Variants in ELMO1 observed in about 807,000 individuals in gnomAD.
The protein encoded by ELMO1 is engulfment and cell motility 1.
In ELMO1, 26 loss-of-function variants were observed where a neutral mutation model predicts 98.9. The observed-to-expected ratio is 0.26, with a 90% CI of 0.19 to 0.36. The LOEUF (loss-of-function observed/expected upper bound fraction) is 0.36, where lower values mean the gene tolerates loss of function less well. ELMO1 is among the 10% of genes least tolerant of loss of function. ELMO1 has a pLI of 1.00. For missense variants in ELMO1, 627 were observed against 935.2 expected (o/e 0.67, Z 4.30); for synonymous variants, 346 against 346.0 (o/e 1.00, Z 0.00).
intron 1 of ELMO1, among the ~76,000 whole-genome samples, chr7:37,361,731 G>A (rs745930226): frequency 5.3e-5 from 8 of 152,374 alleles, no homozygotes; most frequent in East Asian, 1.9e-4. Context: ...GGCCAAGGCC[G>A]GCGGATGGCT....
At chr7:37,097,627 A>T (rs1299753433) in intron 14 of ELMO1, among the ~76,000 whole-genome samples, 1 of 152,054 alleles carries the variant, frequency 6.6e-6, no homozygotes, top group Admixed American at 6.6e-5. Flanking sequence ...AGAAAGAAAG[A>T]AAGAAAGAAA....
At chr7:37,290,245 T>TA (rs984327474) in intron 4 of ELMO1, among the ~76,000 whole-genome samples, 195 of 152,096 alleles carry the variant, frequency 1.3e-3, no homozygotes, top group Middle Eastern at 6.8e-3. Context: ...TTTTTAGTAT[T>TA]AAAAAAAATC....
intron 13 of ELMO1, among the ~76,000 whole-genome samples, chr7:37,187,341 TG>T (rs899926222): frequency 2.6e-5 from 4 of 152,158 alleles, no homozygotes; most frequent in Admixed American, 2.0e-4. Flanking sequence ...TGGGTCTTGT[TG>T]GGATAATGAA....
At chr7:37,302,403 C>T (rs1455069108) in intron 4 of ELMO1, among the ~76,000 whole-genome samples, 1 of 152,032 alleles carries the variant, frequency 6.6e-6, no homozygotes, top group East Asian at 1.9e-4. Context: ...AGCCATGCAG[C>T]TTCTGCTTGG....
chr7:37,286,762 TTC>T (rs897812668), intron 4 of ELMO1, among the ~76,000 whole-genome samples: 2 of 152,220 alleles, frequency 1.3e-5, no homozygotes, highest in African/African-American at 2.4e-5. Flanking sequence ...TTCTTTTTCT[TTC>T]TCTTTTTTTC....
chr7:37,164,159 TC>T (rs1361432403), intron 13 of ELMO1, among the ~76,000 whole-genome samples: 1 of 152,242 alleles, frequency 6.6e-6, no homozygotes, highest in Non-Finnish European at 1.5e-5. Context: ...TCTGTTCATA[TC>T]CTTTGCCCAC....
chr7:36,963,175 C>T (rs942754110), intron 16 of ELMO1, among the ~76,000 whole-genome samples: 9 of 151,642 alleles, frequency 5.9e-5, no homozygotes, highest in Non-Finnish European at 1.0e-4. Context: ...ACGAGGTCAT[C>T]GAGACCATCC....
At chr7:37,152,469 C>G (rs541986372) in intron 13 of ELMO1, among the ~76,000 whole-genome samples, 1 of 142,286 alleles carries the variant, frequency 7.0e-6, no homozygotes, top group Non-Finnish European at 1.5e-5. Context: ...TTATGTTTTT[C>G]AAACCTCAAC....
intron 1 of ELMO1, among the ~76,000 whole-genome samples, chr7:37,442,162 CA>C (rs1409359631): frequency 2.0e-5 from 3 of 152,138 alleles, no homozygotes; most frequent in Non-Finnish European, 4.4e-5. Flanking sequence ...AAACATTCGA[CA>C]GTACACAGGA....
chr7:37,278,617 C>T (rs182078569), intron 4 of ELMO1, among the ~76,000 whole-genome samples: 3 of 152,348 alleles, frequency 2.0e-5, no homozygotes, highest in East Asian at 3.9e-4. Flanking sequence ...TCTCAGAGTT[C>T]CAGCCCACCC....
At chr7:37,446,766 T>C (rs918232792) in intron 1 of ELMO1, among the ~76,000 whole-genome samples, 1 of 152,144 alleles carries the variant, frequency 6.6e-6, no homozygotes, top group African/African-American at 2.4e-5. Flanking sequence ...AGTACCCTCC[T>C]GACACAACCC....
chr7:36,876,907 A>C (rs1394756587), intron 19 of ELMO1, among the ~76,000 whole-genome samples: 10 of 152,244 alleles, frequency 6.6e-5, no homozygotes, highest in Non-Finnish European at 1.3e-4. Context: ...TATGAAAGAA[A>C]ACAAGATCGT....
At chr7:37,028,966 A>T (rs1327499835) in intron 15 of ELMO1, among the ~76,000 whole-genome samples, 1 of 149,996 alleles carries the variant, frequency 6.7e-6, no homozygotes, top group Non-Finnish European at 1.5e-5. Flanking sequence ...ACAATTATCA[A>T]ATTATGTAGT....
chr7:37,191,983 T>C (rs192907304), intron 13 of ELMO1, among the ~76,000 whole-genome samples: 3 of 152,308 alleles, frequency 2.0e-5, no homozygotes, highest in Middle Eastern at 6.8e-3. Context: ...TGAGGACACA[T>C]GGAAATGTTA....
intron 6 of ELMO1, among the ~76,000 whole-genome samples, chr7:37,255,190 A>C (rs985388899): frequency 4.6e-5 from 7 of 152,198 alleles, no homozygotes; most frequent in African/African-American, 1.7e-4. Flanking sequence ...AAGCCCTCTC[A>C]AGAGATGATT....
chr7:37,156,009 G>A (rs1788736929), intron 13 of ELMO1, among the ~76,000 whole-genome samples: 1 of 152,130 alleles, frequency 6.6e-6, no homozygotes, highest in Non-Finnish European at 1.5e-5. Flanking sequence ...TAGAACTCAG[G>A]ATTAAGAACC....
intron 15 of ELMO1, among the ~76,000 whole-genome samples, chr7:37,037,477 G>T (rs940220981): frequency 4.6e-5 from 7 of 152,156 alleles, no homozygotes; most frequent in Non-Finnish European, 1.0e-4. Context: ...ACCTAGGAAG[G>T]CACAAACATT....
intron 13 of ELMO1, among the ~76,000 whole-genome samples, chr7:37,192,875 TTA>T (rs1791691587): frequency 6.8e-6 from 1 of 146,584 alleles, no homozygotes; most frequent in African/African-American, 2.5e-5. Context: ...ACATACATGT[TTA>T]TATATGATAT....
chr7:37,169,909 T>C (rs78281548), intron 13 of ELMO1, among the ~76,000 whole-genome samples: 5,214 of 152,258 alleles, frequency 0.034, 144 homozygotes, highest in East Asian at 0.14. Context: ...AATGCACATT[T>C]CTTTTTTTTT....
Sources: allele counts gnomAD v4.1 joint callset (sites outside exome capture counted in the v4.1 genomes callset), GRCh38; gene constraint gnomAD v4.1.1; transcripts MANE v1.5; gene names NCBI Gene and HGNC (gene_info 2026-07-23, HGNC 2026-07-21).